The following ADCY2 variants were observed in gnomAD, a reference collection of about 807,000 sequenced individuals.
ADCY2 encodes the protein adenylate cyclase type 2.
Under a neutral mutation model 125.2 loss-of-function variants are expected in ADCY2, and 31 were observed. The observed-to-expected ratio is 0.25, with a 90% CI of 0.19 to 0.33. The LOEUF is 0.33. ADCY2 is among the 10% of genes least tolerant of loss of function. ADCY2 has a pLI of 1.00. For missense variants in ADCY2, 904 were observed against 1,418.2 expected (o/e 0.64, Z 5.82); for synonymous variants, 512 against 548.4 (o/e 0.93, Z 0.93).
Position 7,565,773 on chromosome 5 carries a change from C to A in ADCY2, c.570+44874C>A, listed in dbSNP as rs1248365604. 3.9e-5 allele frequency among the ~76,000 whole-genome samples: 6 copies of A among 152,278 alleles called. No individual in the cohort carries two copies. The East Asian group carries it at 1.2e-3, about 29-fold the overall frequency. The stretch of plus-strand genomic sequence containing the variant: ...GTGTCCAGATGGTTCTGGGGGATGG[C>A]CATATGCTGTCTGCTCCCCTAAGAA... On this transcript the variant is annotated intron_variant, in intron 3 of 24. Coordinates refer to ENST00000338316, the MANE Select transcript of ADCY2 (RefSeq NM_020546.3).
chr5:7,636,817 C>T (rs545532908), intron 4 of ADCY2, among the ~76,000 whole-genome samples: 7 of 152,052 alleles, frequency 4.6e-5, no homozygotes, highest in Non-Finnish European at 1.0e-4. Context: ...TGGTGGTCAC[C>T]AGTGGCCTGG....
At chr5:7,433,630 G>A (rs763930754) in intron 2 of ADCY2, among the ~76,000 whole-genome samples, 2 of 151,878 alleles carry the variant, frequency 1.3e-5, no homozygotes, top group Non-Finnish European at 2.9e-5. Context: ...TTTGTAAGCA[G>A]ATAAGCCAAA....
intron 11 of ADCY2, among the ~76,000 whole-genome samples, chr5:7,713,467 C>T (rs1741502073): frequency 1.3e-5 from 2 of 150,532 alleles, no homozygotes; most frequent in South Asian, 4.2e-4. Flanking sequence ...ACACTCTAGC[C>T]TGGTCGACAG....
intron 4 of ADCY2, among the ~76,000 whole-genome samples, chr5:7,662,965 G>T (rs727432): frequency 0.33 from 49,639 of 152,068 alleles, 8,572 homozygotes; most frequent in East Asian, 0.64. Flanking sequence ...CCCCATGCCT[G>T]CTTCTTTATG....
At chr5:7,569,724 TC>T (rs1235471287) in intron 3 of ADCY2, among the ~76,000 whole-genome samples, 1 of 152,062 alleles carries the variant, frequency 6.6e-6, no homozygotes, top group East Asian at 1.9e-4. Context: ...CTTCCTGAGC[TC>T]CAAGCCCATA....
Position 7,629,325 on chromosome 5 carries a change from AG to A in ADCY2, c.720+3016del, listed in dbSNP as rs57371459. ...GCCGTCCCTCTTCACCCAGGATTGG[AG>A]GGGGGGCACTGAAACTATTGGGACC... On this transcript the variant is annotated intron_variant, in intron 4 of 24. Transcript: ENST00000338316. 4.4e-3 allele frequency among the ~76,000 whole-genome samples: 668 copies of A among 152,030 alleles called. 6 individuals are homozygous for A. The highest frequency in any genetic ancestry group is 0.015 in the African/African-American group (630 of 41,450).
chr5:7,579,689 A>C (rs1579594125), intron 3 of ADCY2, among the ~76,000 whole-genome samples: 2 of 152,238 alleles, frequency 1.3e-5, no homozygotes, highest in Non-Finnish European at 2.9e-5. Context: ...TGTCATTCAT[A>C]ATGCTTAGTC....
chr5:7,721,215 A>G (rs1741746964), intron 12 of ADCY2, among the ~76,000 whole-genome samples: 1 of 152,112 alleles, frequency 6.6e-6, no homozygotes, highest in South Asian at 2.1e-4. Flanking sequence ...GTGTCTGTTC[A>G]TATCCTTTGC....
intron 5 of ADCY2, chr5:7,692,355 A>G (rs1243962516): frequency 1.3e-5 from 2 of 152,216 alleles, no homozygotes; most frequent in Admixed American, 6.5e-5. Context: ...TCAGTGTGAT[A>G]TAGGAAACTC....
At chr5:7,483,463 T>G (rs2126476949) in intron 2 of ADCY2, among the ~76,000 whole-genome samples, 1 of 152,300 alleles carries the variant, frequency 6.6e-6, no homozygotes, top group South Asian at 2.1e-4. Flanking sequence ...GGCATTTGTT[T>G]CATTATTAAC....
At chr5:7,459,772 A>ATT (rs3033085) in intron 2 of ADCY2, among the ~76,000 whole-genome samples, 2,031 of 72,884 alleles carry the variant, frequency 0.028, 235 homozygotes, top group East Asian at 0.036. Flanking sequence ...TTAAGAGGTA[A>ATT]TTTTTTTTTT....
chr5:7,621,082 G>A lies in ADCY2; in HGVS notation c.571-5085G>A, dbSNP rs568234498. Among the ~76,000 whole-genome samples the A allele has an allele frequency of 8.5e-5, 13 of 152,236 alleles. No homozygotes were observed. In the South Asian group the frequency reaches 2.7e-3, roughly 32 times the overall value. The stretch of plus-strand genomic sequence containing the variant: ...CATAACATATCAAAGCCATAACAAG[G>A]GATCTGAGTGGTCACCTAACTCGTG... On this transcript the variant is annotated intron_variant, in intron 3 of 24. Transcript: ENST00000338316.
chr5:7,548,807 C>G (rs547574969), intron 3 of ADCY2, among the ~76,000 whole-genome samples: 2 of 152,218 alleles, frequency 1.3e-5, no homozygotes, highest in East Asian at 3.9e-4. Flanking sequence ...AACCCCAAAG[C>G]CATCTGTGAT....
At chr5:7,447,374 C>T (rs1395988649) in intron 2 of ADCY2, among the ~76,000 whole-genome samples, 1 of 152,148 alleles carries the variant, frequency 6.6e-6, no homozygotes. Context: ...ATCATCCTGG[C>T]AGTGGGCATC....
chr5:7,702,081 A>T (rs559576776), intron 7 of ADCY2, among the ~76,000 whole-genome samples: 86 of 152,054 alleles, frequency 5.7e-4, no homozygotes, highest in Non-Finnish European at 1.1e-3. Context: ...TGTATAGTAG[A>T]CAAGGTGATC....
intron 3 of ADCY2, among the ~76,000 whole-genome samples, chr5:7,548,559 A>C (rs1735223129): frequency 6.6e-6 from 1 of 152,214 alleles, no homozygotes. Context: ...CTGCATGAAC[A>C]ACTTCTATTT....
intron 13 of ADCY2, among the ~76,000 whole-genome samples, chr5:7,726,847 G>T (rs985938656): frequency 1.1e-4 from 16 of 152,236 alleles, no homozygotes; most frequent in African/African-American, 3.9e-4. Flanking sequence ...GGTCACAGGC[G>T]CGATTCACAG....
chr5:7,712,057 C>G (rs113893450), intron 10 of ADCY2, among the ~76,000 whole-genome samples: 1 of 152,154 alleles, frequency 6.6e-6, no homozygotes, highest in Non-Finnish European at 1.5e-5. Context: ...TTGAATAATA[C>G]AGTACTTTAC....
chr5:7,460,141 A>G (rs1044124575), intron 2 of ADCY2, among the ~76,000 whole-genome samples: 2 of 152,182 alleles, frequency 1.3e-5, no homozygotes, highest in African/African-American at 4.8e-5. Context: ...TAATCCTATT[A>G]TATCTGCTGG....
Sources: allele counts gnomAD v4.1 joint callset (sites outside exome capture counted in the v4.1 genomes callset), GRCh38; gene constraint gnomAD v4.1.1; transcripts MANE v1.5; gene names NCBI Gene and HGNC (gene_info 2026-07-23, HGNC 2026-07-21).